The following PRPF38B variants were observed in gnomAD, a reference collection of about 807,000 sequenced individuals.
PRPF38B encodes pre-mRNA-splicing factor 38B.
Under a neutral mutation model 67.2 loss-of-function variants are expected in PRPF38B, and 18 were observed. The ratio of observed to expected loss-of-function variants is 0.27; its 90% CI spans 0.19 to 0.40. The LOEUF (loss-of-function observed/expected upper bound fraction) is 0.40, where lower values mean the gene tolerates loss of function less well. PRPF38B is among the 10% of genes least tolerant of loss of function. PRPF38B has a pLI of 1.00. For missense variants in PRPF38B, 544 were observed against 684.9 expected (o/e 0.79, Z 2.30); for synonymous variants, 246 against 234.2 (o/e 1.05, Z -0.46).
Position 108,692,527 on chromosome 1 carries a change from A to G in PRPF38B, c.-65A>G, listed in dbSNP as rs1256610412. ...AGTAGGGTCCCAGACCGTTGTCCCGAAGAGCGAGATCGAGCTTGGCCCCCT... is the reference window on the plus strand; with the variant it reads ...AGTAGGGTCCCAGACCGTTGTCCCGGAGAGCGAGATCGAGCTTGGCCCCCT... On this transcript the variant is annotated 5_prime_UTR_variant, in exon 1 of 6. Transcript: ENST00000370025. 3 of 1,472,606 alleles carry G rather than the reference A, an allele frequency of 2.0e-6. No individual in the cohort carries two copies. The highest frequency in any genetic ancestry group is 4.6e-5 in the Admixed American group (2 of 43,904). The allele number at this position is 1,472,606 out of a possible 1,614,324, so 91.2% of individuals were successfully genotyped here. A position where few individuals can be genotyped will look rare whatever the true frequency, so the allele number is the denominator to read the frequency against.
rs758331572 is a variant in PRPF38B at position 108,699,949 on chromosome 1, C to T, written c.1570C>T (p.Arg524Cys). ...DSKDQSDKHD[R>C]RRSQSIEQES... is the part of the protein sequence containing the mutation. ...TAAGGACCAGTCAGACAAACATGATCGTCGAAGGAGCCAAAGTATAGAACA... is the reference window on the plus strand; with the variant it reads ...TAAGGACCAGTCAGACAAACATGATTGTCGAAGGAGCCAAAGTATAGAACA... Residue 524 changes from arginine to cysteine, a missense_variant, in exon 6 of 6, where the codon CGT becomes TGT. By Grantham distance (180) the Arg-to-Cys change is radical. This residue lies in a region of PRPF38B where 387 missense variants were observed against 386.1 expected (regional missense o/e 1.00). Coordinates refer to ENST00000370025, the MANE Select transcript of PRPF38B (RefSeq NM_018061.4). 29 of 1,613,220 alleles carry T rather than the reference C, an allele frequency of 1.8e-5. No homozygotes were observed. The highest frequency in any genetic ancestry group is 4.5e-5 in the East Asian group (2 of 44,884).
chr1:108,694,209 T>G (rs1223818278), intron 1 of PRPF38B, among the ~76,000 whole-genome samples: 1 of 152,226 alleles, frequency 6.6e-6, no homozygotes, highest in East Asian at 1.9e-4. Context: ...GGTAAGACCT[T>G]TTTAGCATGG....
chr1:108,699,566 G>A lies in PRPF38B; in HGVS notation c.1187G>A (p.Gly396Glu). 6.4e-7 allele frequency: 1 copy of A among 1,553,654 alleles called. No homozygotes were observed. The highest frequency in any genetic ancestry group is 1.2e-5 in the South Asian group (1 of 84,496). ...RERSKEQRSR[G>E]EVEEKKHKED... Reference sequence around the variant, plus strand: ...AGGTCCAAGGAACAGAGAAGTAGGGGAGAGGTAGAAGAGAAGAAACATAAA... The same window carrying A: ...AGGTCCAAGGAACAGAGAAGTAGGGAAGAGGTAGAAGAGAAGAAACATAAA... The change falls in exon 6 of 6, where the codon GGA becomes GAA. Residue 396 changes from glycine to glutamate, a missense_variant. By Grantham distance (98) the Gly-to-Glu change is moderately conservative (BLOSUM62 -2). This residue lies in a region of PRPF38B where 387 missense variants were observed against 386.1 expected (regional missense o/e 1.00). Coordinates refer to ENST00000370025, the MANE Select transcript of PRPF38B (RefSeq NM_018061.4).
At chr1:108,695,921 A>T in intron 2 of PRPF38B, 122 bp from the exon 3 acceptor site, 1 of 1,359,580 alleles carries the variant, frequency 7.4e-7, no homozygotes. Flanking sequence ...GAAAAGTGTT[A>T]CTTTTTAATG....
At chr1:108,697,034 A>G in intron 4 of PRPF38B, 1 of 435,976 alleles carries the variant, frequency 2.3e-6, no homozygotes. Flanking sequence ...ACACTTCGAG[A>G]GTTCAAGACC....
rs943306147 is a variant in PRPF38B at position 108,702,841 on chromosome 1, C to T, written c.*2821C>T. ...ATCCTCCATCCAGTTTTTGTACTTACTGGAATGATTTCACCTTTCCATGTA... is the reference window on the plus strand; with the variant it reads ...ATCCTCCATCCAGTTTTTGTACTTATTGGAATGATTTCACCTTTCCATGTA... On this transcript the variant is annotated 3_prime_UTR_variant, in exon 6 of 6. Transcript: ENST00000370025. Among the ~76,000 whole-genome samples, 1 of 152,196 alleles carries T rather than the reference C, an allele frequency of 6.6e-6. No individual in the cohort carries two copies. Among genetic ancestry groups the T allele is most frequent in the African/African-American group, 2.4e-5 (1 of 41,436 alleles).
intron 4 of PRPF38B, chr1:108,697,868 G>A (rs1051214786): frequency 1.3e-5 from 2 of 152,192 alleles, no homozygotes; most frequent in Admixed American, 6.5e-5. Flanking sequence ...ATGTGTGTGA[G>A]TGCAAGCAGT....
In PRPF38B at chr1:108,700,255, T is replaced by C; in HGVS notation, c.*235T>C. On this transcript the variant is annotated 3_prime_UTR_variant, in exon 6 of 6. Coordinates refer to ENST00000370025, the MANE Select transcript of PRPF38B (RefSeq NM_018061.4). ...ACAGATTGTTCTTGCATTTTTATTG[T>C]TTGTTTTTGAAATGTACAGTCTGTA... The C allele has an allele frequency of 1.5e-6, 1 of 651,128 alleles. No homozygotes were observed. The highest frequency in any genetic ancestry group is 4.0e-5 in the Admixed American group (1 of 25,218). 40.3% of individuals were successfully genotyped at this position (651,128 alleles called of 1,614,324 possible). A position where few individuals can be genotyped will look rare whatever the true frequency, so the allele number is the denominator to read the frequency against.
rs200634484 is a variant in PRPF38B at position 108,698,693 on chromosome 1, C to T, written c.648C>T (p.Thr216=). The part of the protein sequence containing the change: ...SFLTKLEWFS[T]LFPRIPVPVQ... ...TCACAAAACTGGAGTGGTTTTCTAC[C>T]TTGTTTCCAAGAATTCCAGTTCCAG... Residue 216 remains threonine (T), a synonymous_variant, in exon 5 of 6, where the codon ACC becomes ACT. Transcript: ENST00000370025. 2.5e-6 allele frequency: 4 copies of T among 1,613,856 alleles called. No homozygotes were observed. The East Asian group carries it at 8.9e-5, about 36-fold the overall frequency.
intron 4 of PRPF38B, chr1:108,698,007 GC>G (rs1230104632): frequency 6.6e-6 from 1 of 152,150 alleles, no homozygotes; most frequent in Non-Finnish European, 1.5e-5. Context: ...TAGCAAGAAG[GC>G]CTTCATGCGG....
At chr1:108,695,271 T>TA (rs1285037908) in intron 1 of PRPF38B, among the ~76,000 whole-genome samples, 1 of 152,242 alleles carries the variant, frequency 6.6e-6, no homozygotes, top group Non-Finnish European at 1.5e-5. Flanking sequence ...TGCTTAACGT[T>TA]AATACTTTTT....
chr1:108,699,107 A>G, intron 5 of PRPF38B, 55 bp from the exon 6 acceptor site: 1 of 1,532,248 alleles, frequency 6.5e-7, no homozygotes, highest in African/African-American at 1.4e-5. Flanking sequence ...TACTGTGAAA[A>G]GAATTGCATA....
At chr1:108,694,747 A>T (rs541914922) in intron 1 of PRPF38B, among the ~76,000 whole-genome samples, 2 of 150,716 alleles carry the variant, frequency 1.3e-5, no homozygotes, top group Admixed American at 6.6e-5. Flanking sequence ...AAAAAACAGG[A>T]TTTTTTTTTA....
intron 5 of PRPF38B, 44 bp downstream of exon 5, chr1:108,698,871 A>T: frequency 6.6e-7 from 1 of 1,508,146 alleles, no homozygotes. Flanking sequence ...TATATGCTTT[A>T]TACAAAATTA....
intron 4 of PRPF38B, 22 bp downstream of exon 4, chr1:108,696,359 T>A: frequency 1.3e-6 from 2 of 1,587,664 alleles, no homozygotes; most frequent in Non-Finnish European, 1.7e-6. Flanking sequence ...AGGGTAATAA[T>A]TTGTTTTCTT....
intron 5 of PRPF38B, 137 bp from the exon 6 acceptor site, chr1:108,699,025 A>T: frequency 1.4e-6 from 2 of 1,477,210 alleles, no homozygotes; most frequent in Non-Finnish European, 1.8e-6. Flanking sequence ...GAACAATAAA[A>T]TTTTTTGCTT....
Position 108,699,603 on chromosome 1 carries a change from T to C in PRPF38B, c.1224T>C (p.Asp408=), listed in dbSNP as rs1660239530. 1 of 1,552,388 alleles carries C rather than the reference T, an allele frequency of 6.4e-7. No homozygotes were observed. The highest frequency in any genetic ancestry group is 1.2e-5 in the South Asian group (1 of 84,304). Residue 408 remains aspartate, a synonymous_variant, in exon 6 of 6, where the codon GAT becomes GAC. Transcript: ENST00000370025. ...AGAAGAAACATAAAGAAGACAAAGA[T>C]GATAGGCGGCACAGAGATGACAAAA... ...VEEKKHKEDK[D]DRRHRDDKRD... is the part of the protein sequence containing the mutation.
At chr1:108,695,151 G>T (rs1437609575) in intron 1 of PRPF38B, among the ~76,000 whole-genome samples, 1 of 151,990 alleles carries the variant, frequency 6.6e-6, no homozygotes, top group Non-Finnish European at 1.5e-5. Flanking sequence ...CAAGTAACTC[G>T]TTACTGTTTT....
chr1:108,696,841 G>T (rs1659907453), intron 4 of PRPF38B: 1 of 682,614 alleles, frequency 1.5e-6, no homozygotes, highest in Non-Finnish European at 2.7e-6. Flanking sequence ...GTGTTTGGAT[G>T]ACTTGTTCAA....
Sources: gnomAD v4.1 joint callset for allele counts (sites outside exome capture counted in the v4.1 genomes callset) on GRCh38, gnomAD v4.1.1 for gene constraint, gnomAD v4.1.1 regional missense constraint, MANE v1.5 for transcripts, NCBI Gene and HGNC (gene_info 2026-07-23, HGNC 2026-07-21) for gene names.